Variants in LRRC9 observed in about 807,000 individuals in gnomAD.
LRRC9 encodes the protein leucine rich repeat containing 9.
Under a neutral mutation model 63.2 loss-of-function variants are expected in LRRC9, and 122 were observed. The observed-to-expected ratio is 1.93, with a 90% confidence interval of 1.67 to 2.24. The LOEUF (loss-of-function observed/expected upper bound fraction) is 2.24. Ranked by LOEUF, LRRC9 falls within the 30% of genes most tolerant of loss-of-function variation. The pLI is 0.00. For synonymous variants in LRRC9, 366 were observed against 213.1 expected (o/e 1.72, Z -6.25); for missense variants, 1,071 against 627.7 (o/e 1.71, Z -7.55).
chr14:59,931,977 C>G (rs1314329596), exon 6 of LRRC9: 2 of 699,972 alleles, frequency 2.9e-6, no homozygotes, highest in Admixed American at 4.0e-5. Flanking sequence ...AGGTCGATGT[C>G]TTGACTCCAA....
rs1890914848 is a variant in LRRC9 at position 60,019,038 on chromosome 14, A to G, written c.3427-83A>G. Reference sequence around the variant, plus strand: ...TGTTTTAGCACTAATATATTATTAAATTATGTGGTATATTCCAAGTTTTAT... The same window carrying G: ...TGTTTTAGCACTAATATATTATTAAGTTATGTGGTATATTCCAAGTTTTAT... On this transcript the variant is annotated intron_variant, in intron 25 of 31. Coordinates refer to ENST00000445360, the Ensembl canonical transcript of LRRC9. 4 of 537,554 alleles carry G rather than the reference A, an allele frequency of 7.4e-6. No individual in the cohort carries two copies. The East Asian group carries it at 1.2e-4, about 16-fold the overall frequency. 33.3% of individuals were successfully genotyped at this position (537,554 alleles called of 1,614,324 possible).
At chr14:59,929,440 A>C (rs1310274289) in intron 3 of LRRC9, among the ~76,000 whole-genome samples, 1 of 152,084 alleles carries the variant, frequency 6.6e-6, no homozygotes, top group Non-Finnish European at 1.5e-5. Context: ...GATGCTGGCA[A>C]AGTTGTGGAG....
At position 60,058,012 on chromosome 14, in the gene LRRC9, T is replaced by C. The variant is rs750322161; in HGVS notation, c.4266T>C (p.Pro1422=). ...TGGGATCTGACGTCACTTTAACTCC[T>C]GAAGTTGAAGGTATTTTGACAATTT... The change falls in exon 31 of 32, where the codon CCT becomes CCC. Residue 1422 remains proline, a synonymous_variant. Coordinates refer to ENST00000445360, the Ensembl canonical transcript of LRRC9. The surrounding 1 kb of genome is among the most constrained non-coding windows in gnomAD (Gnocchi z 4.4). 7 of 629,140 alleles carry C rather than the reference T, an allele frequency of 1.1e-5. No individual in the cohort carries two copies. The highest frequency in any genetic ancestry group is 3.5e-5 in the African/African-American group (2 of 56,496). 39.0% of individuals were successfully genotyped at this position (629,140 alleles called of 1,614,324 possible).
At position 59,942,264 on chromosome 14, in the gene LRRC9, T is replaced by G. The variant is rs1881858167; in HGVS notation, c.727-2325T>G. Reference sequence around the variant, plus strand: ...CACCTGTTGATGGCATTTAGGTTAATTCTAAATCTTAGCTATTGTGAATAG... The same window carrying G: ...CACCTGTTGATGGCATTTAGGTTAAGTCTAAATCTTAGCTATTGTGAATAG... On this transcript the variant is annotated intron_variant, in intron 7 of 31. Transcript: ENST00000445360. The surrounding 1 kb of genome is among the most constrained non-coding windows in gnomAD (Gnocchi z 5.3). Among the ~76,000 whole-genome samples, 1 of 152,194 alleles carries G rather than the reference T, an allele frequency of 6.6e-6. No homozygotes were observed. Among genetic ancestry groups the G allele is most frequent in the African/African-American group, 2.4e-5 (1 of 41,450 alleles).
intron 23 of LRRC9, among the ~76,000 whole-genome samples, chr14:60,013,195 G>A (rs1427633699): frequency 6.8e-6 from 1 of 147,176 alleles, no homozygotes; most frequent in Non-Finnish European, 1.5e-5. Context: ...TAGTAAGATA[G>A]ATATACATAT....
chr14:59,931,815 G>A (rs1460366069), intron 5 of LRRC9, 133 bp downstream of exon 5: 1 of 607,326 alleles, frequency 1.6e-6, no homozygotes, highest in Non-Finnish European at 2.9e-6. Flanking sequence ...TGAAACCTGT[G>A]AAAATATTAC....
At chr14:59,969,674 T>A (rs1427498488) in intron 12 of LRRC9, among the ~76,000 whole-genome samples, 2 of 152,140 alleles carry the variant, frequency 1.3e-5, no homozygotes, top group Non-Finnish European at 1.5e-5. Context: ...ACTTTTCTAG[T>A]TGGAAGAGGA....
chr14:60,032,477 GAACT>G (rs202003980), intron 29 of LRRC9, among the ~76,000 whole-genome samples: 1,630 of 151,932 alleles, frequency 0.011, 12 homozygotes, highest in Non-Finnish European at 0.019. Context: ...TAAATTTTAG[GAACT>G]AACTCCTCAA....
intron 17 of LRRC9, among the ~76,000 whole-genome samples, chr14:59,985,516 ACT>A (rs1239403938): frequency 4.6e-5 from 7 of 152,162 alleles, no homozygotes; most frequent in African/African-American, 1.7e-4. Flanking sequence ...AACTGTGCTG[ACT>A]CTGGGCACAC....
intron 23 of LRRC9, among the ~76,000 whole-genome samples, chr14:60,015,368 C>T (rs576518702): frequency 6.6e-6 from 1 of 152,102 alleles, no homozygotes; most frequent in African/African-American, 2.4e-5. Context: ...TTATTCTGGA[C>T]ATTTGGGGTA....
chr14:59,929,172 T>C (rs1327322737), intron 3 of LRRC9, among the ~76,000 whole-genome samples: 4 of 151,858 alleles, frequency 2.6e-5, no homozygotes, highest in Non-Finnish European at 5.9e-5. Flanking sequence ...CAAACTATGC[T>C]CTGACAAAGG....
intron 17 of LRRC9, among the ~76,000 whole-genome samples, chr14:59,987,269 T>C (rs1283616308): frequency 6.6e-6 from 1 of 151,376 alleles, no homozygotes; most frequent in Non-Finnish European, 1.5e-5. Flanking sequence ...CCTAGCACAA[T>C]AGTTTGGTTT....
intron 17 of LRRC9, among the ~76,000 whole-genome samples, chr14:59,992,406 T>A (rs1888244110): frequency 6.6e-6 from 1 of 152,122 alleles, no homozygotes; most frequent in Non-Finnish European, 1.5e-5. Context: ...TCAGAGCGCC[T>A]CTTCTCGTCC....
intron 24 of LRRC9, 50 bp downstream of exon 24, chr14:60,016,840 ATTAT>A (rs1890728485): frequency 3.4e-6 from 2 of 587,866 alleles, no homozygotes; most frequent in Non-Finnish European, 6.2e-6. Context: ...ACATTATGTA[ATTAT>A]TATCATTTTT....
intron 22 of LRRC9, among the ~76,000 whole-genome samples, chr14:60,007,593 T>G (rs1343700520): frequency 6.6e-6 from 1 of 152,218 alleles, no homozygotes; most frequent in African/African-American, 2.4e-5. Flanking sequence ...ATCCATTTAT[T>G]AAGCCATTAT....
At position 60,031,294 on chromosome 14, in the gene LRRC9, T is replaced by C. The variant is rs1437587834; in HGVS notation, c.3922-701T>C. ...AGTTACTAGAAGAATTTGCTATATG[T>C]CCACTTGTAATTCCACAAAGGAATA... On this transcript the variant is annotated intron_variant, in intron 28 of 31. Coordinates refer to ENST00000445360, the Ensembl canonical transcript of LRRC9. This position sits in a 1 kb window ranked among gnomAD's most constrained non-coding sequence, Gnocchi z 4.6. Among the ~76,000 whole-genome samples, 1 of 152,112 alleles carries C rather than the reference T, an allele frequency of 6.6e-6. No individual in the cohort carries two copies. Among genetic ancestry groups the C allele is most frequent in the African/African-American group, 2.4e-5 (1 of 41,460 alleles).
chr14:60,057,796 C>T lies in LRRC9; in HGVS notation c.4132-82C>T, dbSNP rs116044741. On this transcript the variant is annotated intron_variant, in intron 30 of 31. Coordinates refer to ENST00000445360, the Ensembl canonical transcript of LRRC9. ...GACTAAAAAGAATGTTGATTGTCTA[C>T]TCAGACTTGTTATAAGGATTAAGCC... 810 of 477,188 alleles carry T rather than the reference C, an allele frequency of 1.7e-3. 4 individuals are homozygous for T. Among genetic ancestry groups the T allele is most frequent in the African/African-American group, 0.014 (719 of 52,462 alleles). 29.6% of individuals were successfully genotyped at this position (477,188 alleles called of 1,614,324 possible). A position where few individuals can be genotyped will look rare whatever the true frequency, so the allele number is the denominator to read the frequency against.
At chr14:59,935,071 A>G (rs1332441605) in intron 6 of LRRC9, among the ~76,000 whole-genome samples, 1 of 150,392 alleles carries the variant, frequency 6.6e-6, no homozygotes, top group Non-Finnish European at 1.5e-5. Flanking sequence ...GGATCACTTG[A>G]GATCAGGAGT....
In LRRC9 at chr14:59,964,532, T is replaced by C. The variant is rs548818904; in HGVS notation, c.1212-2057T>C. ...GGGGAACCAGCCTAGGAGCTAGGTA[T>C]TGTTTATTCATTCCTTCCACCCATT... On this transcript the variant is annotated intron_variant, in intron 10 of 31. Transcript: ENST00000445360. This position sits in a 1 kb window ranked among gnomAD's most constrained non-coding sequence, Gnocchi z 4.4. Among the ~76,000 whole-genome samples, 50 of 152,320 alleles carry C rather than the reference T, an allele frequency of 3.3e-4. No individual in the cohort carries two copies. Among genetic ancestry groups the C allele is most frequent in the Non-Finnish European group, 6.2e-4 (42 of 68,034 alleles).
Sources: gnomAD v4.1 joint callset for allele counts (sites outside exome capture counted in the v4.1 genomes callset) on GRCh38, gnomAD v4.1.1 for gene constraint, Gnocchi (gnomAD v3.1) non-coding constraint, MANE v1.5 for transcripts, NCBI Gene and HGNC (gene_info 2026-07-23, HGNC 2026-07-21) for gene names.